TCP11L1: variants seen among roughly 807,000 people sequenced by gnomAD.
TCP11L1 encodes the protein t-complex 11 like 1, also known as T-complex protein 11-like protein 1.
TCP11L1 carries 28 observed loss-of-function variants against 48.9 expected under a neutral mutation model. The ratio of observed to expected loss-of-function variants is 0.57; its 90% confidence interval spans 0.42 to 0.78. The LOEUF is 0.78. TCP11L1 is among the 30% of genes least tolerant of loss of function. The pLI is 0.00. For missense variants in TCP11L1, 505 were observed against 613.4 expected, an observed-to-expected ratio of 0.82 and a Z score of 1.87; for synonymous variants, 204 against 231.9, an observed-to-expected ratio of 0.88 and a Z score of 1.09.
chr11:33,042,661 A>G (rs759849982), intron 1 of TCP11L1, among the ~76,000 whole-genome samples: 14 of 152,174 alleles, frequency 9.2e-5, no homozygotes, highest in Non-Finnish European at 1.8e-4. Flanking sequence ...TGTAGGGCGC[A>G]GTGGCTCATG....
chr11:33,058,476 G>A (rs1846155319), intron 5 of TCP11L1, among the ~76,000 whole-genome samples: 1 of 151,678 alleles, frequency 6.6e-6, no homozygotes, highest in African/African-American at 2.4e-5. Context: ...GGGATTACAG[G>A]CGTGAGCCAC....
intron 2 of TCP11L1, among the ~76,000 whole-genome samples, chr11:33,046,493 C>G (rs1478977667): frequency 6.9e-6 from 1 of 144,594 alleles, no homozygotes; most frequent in Non-Finnish European, 1.5e-5. Context: ...TAGTAATAAC[C>G]AAAAAAGTAT....
intron 2 of TCP11L1, among the ~76,000 whole-genome samples, chr11:33,049,546 T>G (rs1027400283): frequency 6.6e-6 from 1 of 151,952 alleles, no homozygotes; most frequent in Non-Finnish European, 1.5e-5. Context: ...AGGACAATAG[T>G]GTAATAGTGG....
rs1441435959 is a variant in TCP11L1, at chr11:33,059,056, G to A, written c.736G>A (p.Glu246Lys). ...PHLMQQSVEY[E>K]RKKFQEILER... ...TCTCATGCAGCAGTCAGTTGAATAC[G>A]AAAGGAAGAAGTTTCAAGAGATTTT... The change falls in exon 6 of 10, where the codon GAA becomes AAA. Residue 246 changes from glutamate to lysine, a missense_variant. Physicochemically the swap from Glu to Lys is moderately conservative, Grantham distance 56. Coordinates refer to ENST00000334274, the MANE Select transcript of TCP11L1 (RefSeq NM_018393.4). 5.6e-6 allele frequency: 9 copies of A among 1,613,978 alleles called. No individual in the cohort carries two copies. Among genetic ancestry groups the A allele is most frequent in the South Asian group, 1.1e-5 (1 of 91,050 alleles).
intron 1 of TCP11L1, chr11:33,040,284 T>G (rs1039512466): frequency 6.6e-6 from 1 of 152,140 alleles, no homozygotes; most frequent in East Asian, 1.9e-4. Flanking sequence ...ATAAGCAAAT[T>G]AAATGGTTCG....
rs748164772 is a variant in TCP11L1, at chr11:33,061,551, A to G, written c.797A>G (p.Gln266Arg). Residue 266 changes from glutamine (Q) to arginine (R), a missense_variant, in exon 7 of 10, where the codon CAG (glutamine) becomes CGG (arginine). Transcript: ENST00000334274. ...ACAGATTCCCTGGACTTTGTCACCC[A>G]GTGGCTGGAAGAAGCCTCAGAGGAC... ...RQPNSLDFVT[Q>R]WLEEASEDLM... 10 of 1,606,732 alleles carry G rather than the reference A, an allele frequency of 6.2e-6. No homozygotes were observed. The highest frequency in any genetic ancestry group is 3.4e-5 in the South Asian group (3 of 89,274).
chr11:33,044,087 T>C, intron 2 of TCP11L1, 151 bp downstream of exon 2: 1 of 701,690 alleles, frequency 1.4e-6, no homozygotes, highest in Non-Finnish European at 2.2e-6. Context: ...GTTCCTCAGC[T>C]GGCAGCCTAG....
rs114118281 is a variant in TCP11L1, at chr11:33,052,712, C to T, written c.164-1881C>T. On this transcript the variant is annotated intron_variant, in intron 2 of 9. Transcript: ENST00000334274. ...CTTGTTAGAAATACAGATTCTGGGCCGGCTGCTGTGGCTCACACCTGTAAT... is the reference window on the plus strand; with the variant it reads ...CTTGTTAGAAATACAGATTCTGGGCTGGCTGCTGTGGCTCACACCTGTAAT... Among the ~76,000 whole-genome samples the T allele has an allele frequency of 3.3e-3, 500 of 152,202 alleles. 4 individuals carry two copies. Among genetic ancestry groups the T allele is most frequent in the African/African-American group, 0.011 (456 of 41,532 alleles).
chr11:33,048,696 T>C (rs902220969), intron 2 of TCP11L1, among the ~76,000 whole-genome samples: 1 of 152,232 alleles, frequency 6.6e-6, no homozygotes, highest in African/African-American at 2.4e-5. Flanking sequence ...GCTGTTTTTT[T>C]CCAAGTATGC....
intron 7 of TCP11L1, among the ~76,000 whole-genome samples, chr11:33,063,207 G>T (rs1854515863): frequency 6.6e-6 from 1 of 152,180 alleles, no homozygotes; most frequent in African/African-American, 2.4e-5. Context: ...CTGTATGGAT[G>T]TACCACATTT....
rs551875991 is a variant in TCP11L1, at chr11:33,065,890, A to G, written c.1033A>G (p.Ile345Val). The change falls in exon 8 of 10, where the codon ATC becomes GTC. Residue 345 changes from isoleucine (I) to valine (V), a missense_variant. Transcript: ENST00000334274. ...ELQLQLEQLT[I>V]LGAVLLVTFS... ...CCAGTTGCAGCTGGAACAACTGACC[A>G]TCCTGGGGGCTGTGTTGCTGGTCAC... The G allele has an allele frequency of 6.2e-7, 1 of 1,614,182 alleles. No homozygotes were observed. Among genetic ancestry groups the G allele is most frequent in the Admixed American group, 1.7e-5 (1 of 60,030 alleles).
chr11:33,058,201 C>CTT lies in TCP11L1; in HGVS notation c.638+65_638+66dup, dbSNP rs747311201. The CTT allele has an allele frequency of 5.8e-4, 709 of 1,218,882 alleles. 2 individuals carry two copies. The highest frequency in any genetic ancestry group is 9.8e-4 in the Middle Eastern group (4 of 4,062). The allele number at this position is 1,218,882 out of a possible 1,614,324, so 75.5% of individuals were successfully genotyped here. ...AATTCAGAGGCATTTTCTTTTTTTT[C>CTT]TTTTCTTTTTTTTTTGAGACAGAGT... On this transcript the variant is annotated intron_variant, in intron 5 of 9. Transcript: ENST00000334274.
intron 6 of TCP11L1, among the ~76,000 whole-genome samples, chr11:33,059,415 G>C (rs76455887): frequency 6.6e-6 from 1 of 152,098 alleles, no homozygotes; most frequent in Non-Finnish European, 1.5e-5. Flanking sequence ...CTTGATTTTT[G>C]AAAACATGAC....
At chr11:33,067,478 T>C (rs1000976831) in intron 8 of TCP11L1, among the ~76,000 whole-genome samples, 5 of 152,230 alleles carry the variant, frequency 3.3e-5, no homozygotes, top group Admixed American at 3.3e-4. Flanking sequence ...ACTAGTTTGC[T>C]GAGAGGCCAG....
At chr11:33,042,629 C>T (rs746001980) in intron 1 of TCP11L1, among the ~76,000 whole-genome samples, 7 of 152,182 alleles carry the variant, frequency 4.6e-5, no homozygotes, top group Non-Finnish European at 1.0e-4. Context: ...TCCTCTTAAA[C>T]ATTTCATAAG....
At chr11:33,072,413 C>G in intron 9 of TCP11L1, 61 bp from the exon 10 acceptor site, 2 of 1,571,292 alleles carry the variant, frequency 1.3e-6, no homozygotes, top group Non-Finnish European at 1.8e-6. Context: ...AGAACTGAAG[C>G]ACAGTAAGGT....
chr11:33,072,734 A>G lies in TCP11L1; in HGVS notation c.*58A>G. On this transcript the variant is annotated 3_prime_UTR_variant, in exon 10 of 10. Transcript: ENST00000334274. ...ACTAGCCACAGAATACCTGTTCTGT[A>G]CTCTAATGTTGCATTGGAAAATGGC... is the stretch of plus-strand genomic sequence containing the variant. 1.9e-6 allele frequency: 3 copies of G among 1,571,896 alleles called. No individual in the cohort carries two copies. The highest frequency in any genetic ancestry group is 2.6e-6 in the Non-Finnish European group (3 of 1,143,224).
At position 33,061,757 on chromosome 11, in the gene TCP11L1, AT is replaced by A. The variant is rs1359527400; in HGVS notation, c.972+34del. The A allele has an allele frequency of 3.2e-6, 5 of 1,543,118 alleles. No individual in the cohort carries two copies. In the South Asian group the frequency reaches 6.2e-5, roughly 19 times the overall value. ...TCTCCTGAGCCATCTCACTACTCAT[AT>A]TTGTTTTTGTGCTGCTGAACTTTTT... On this transcript the variant is annotated intron_variant, in intron 7 of 9. Coordinates refer to ENST00000334274, the MANE Select transcript of TCP11L1 (RefSeq NM_018393.4).
chr11:33,050,370 T>TTAATAACACCTGATGCTTGA (rs35993433), intron 2 of TCP11L1, among the ~76,000 whole-genome samples: 10 of 151,004 alleles, frequency 6.6e-5, no homozygotes, highest in African/African-American at 2.4e-4. Flanking sequence ...TTGGTGGAGT[T>TTAATAACACCTGATGCTTGA]TAATAACACC....
Sources: gnomAD v4.1 joint callset for allele counts (sites outside exome capture counted in the v4.1 genomes callset) on GRCh38, gnomAD v4.1.1 for gene constraint, MANE v1.5 for transcripts, NCBI Gene and HGNC (gene_info 2026-07-23, HGNC 2026-07-21) for gene names.